RSBN1L: variants seen among roughly 807,000 people sequenced by gnomAD.
RSBN1L encodes lysine-specific demethylase RSBN1L.
In RSBN1L, 30 loss-of-function variants were observed where a neutral mutation model predicts 67.7. That is an observed-to-expected ratio of 0.44 (90% CI 0.33 to 0.60). The LOEUF (loss-of-function observed/expected upper bound fraction) is 0.60. Among genes scored for constraint, RSBN1L ranks in the 20% least tolerant of loss-of-function variants. The pLI, the probability that RSBN1L is intolerant of heterozygous loss-of-function variation, is 0.02. For synonymous variants in RSBN1L, 433 were observed against 387.0 expected (o/e 1.12, Z -1.39); for missense variants, 992 against 1,031.7 (o/e 0.96, Z 0.53).
rs1007241049 is a variant in RSBN1L at position 77,779,949 on chromosome 7, A to G, written c.*781A>G. The G allele has an allele frequency of 6.6e-6, 1 of 151,494 alleles. No individual in the cohort carries two copies. The highest frequency in any genetic ancestry group is 2.4e-5 in the African/African-American group (1 of 41,148). 9.4% of individuals were successfully genotyped at this position (151,494 alleles called of 1,614,324 possible). A position where few individuals can be genotyped will look rare whatever the true frequency, so the allele number is the denominator to read the frequency against. Reference sequence around the variant, plus strand: ...GTTCAAGTGATTATTCTCCTGCCTCAGCCTCCTGAGTAGCTGGGACTACAG... The same window carrying G: ...GTTCAAGTGATTATTCTCCTGCCTCGGCCTCCTGAGTAGCTGGGACTACAG... On this transcript the variant is annotated 3_prime_UTR_variant, in exon 8 of 8. Transcript: ENST00000334955.
chr7:77,756,305 G>GT (rs1436970279), intron 3 of RSBN1L, among the ~76,000 whole-genome samples: 58 of 152,004 alleles, frequency 3.8e-4, no homozygotes, highest in African/African-American at 1.3e-3. Context: ...CTAATTTTTT[G>GT]TGTTTTCAGT....
At chr7:77,726,776 A>ATTTTTT (rs35354992) in intron 1 of RSBN1L, among the ~76,000 whole-genome samples, 1 of 112,306 alleles carries the variant, frequency 8.9e-6, no homozygotes. Flanking sequence ...CACCCAGCTA[A>ATTTTTT]TTTTTTTTTT....
intron 1 of RSBN1L, among the ~76,000 whole-genome samples, chr7:77,725,078 C>T (rs1283742068): frequency 6.8e-6 from 1 of 147,218 alleles, no homozygotes; most frequent in Admixed American, 6.8e-5. Context: ...TCCTGACCTC[C>T]GGTGATCCAC....
At chr7:77,721,068 A>G (rs903862382) in intron 1 of RSBN1L, among the ~76,000 whole-genome samples, 6 of 151,932 alleles carry the variant, frequency 3.9e-5, no homozygotes, top group African/African-American at 1.2e-4. Flanking sequence ...ATGTGGATTT[A>G]ACACTTATTT....
rs200285019 is a variant in RSBN1L, at chr7:77,699,325, CGAAA to C, written c.586+2273_586+2276del. Among the ~76,000 whole-genome samples, 716 of 152,266 alleles carry C rather than the reference CGAAA, an allele frequency of 4.7e-3. 4 individuals are homozygous for C. Among genetic ancestry groups the C allele is most frequent in the African/African-American group, 0.016 (678 of 41,540 alleles). On this transcript the variant is annotated intron_variant, in intron 1 of 7. Transcript: ENST00000334955. Reference sequence around the variant, plus strand: ...AAAACAAAACTGAACCACACACACTCGAAAGACCTAGCCTGCACCCCAATTTGAT... The same window carrying C: ...AAAACAAAACTGAACCACACACACTCGACCTAGCCTGCACCCCAATTTGAT...
intron 1 of RSBN1L, among the ~76,000 whole-genome samples, chr7:77,705,604 C>T (rs936386564): frequency 7.3e-5 from 11 of 150,014 alleles, no homozygotes; most frequent in African/African-American, 2.5e-4. Context: ...CTCTGCCTCC[C>T]GGGTTCCAGT....
intron 1 of RSBN1L, 59 bp from the exon 2 acceptor site, chr7:77,736,351 G>T: frequency 1.2e-6 from 1 of 814,906 alleles, no homozygotes; most frequent in African/African-American, 1.8e-5. Flanking sequence ...TATAGTTTGT[G>T]CAGATAAATG....
Position 77,696,464 on chromosome 7 carries a change from C to G in RSBN1L, c.-6C>G. 1 of 1,600,902 alleles carries G rather than the reference C, an allele frequency of 6.2e-7. No individual in the cohort carries two copies. Among genetic ancestry groups the G allele is most frequent in the Non-Finnish European group, 8.5e-7 (1 of 1,173,044 alleles). The stretch of plus-strand genomic sequence containing the variant: ...CGGAGGAGAGTAAATACAACAGGAG[C>G]GCAAAATGGCGGAACCGCCGAGCCC... On this transcript the variant is annotated 5_prime_UTR_variant, in exon 1 of 8. Transcript: ENST00000334955.
At chr7:77,701,756 A>G (rs1034146273) in intron 1 of RSBN1L, among the ~76,000 whole-genome samples, 3 of 151,054 alleles carry the variant, frequency 2.0e-5, no homozygotes, top group African/African-American at 4.9e-5. Flanking sequence ...GGTTCAAGCA[A>G]TTCTCCTGCC....
chr7:77,720,144 G>T (rs1031369372), intron 1 of RSBN1L, among the ~76,000 whole-genome samples: 1 of 152,056 alleles, frequency 6.6e-6, no homozygotes, highest in Non-Finnish European at 1.5e-5. Context: ...GTAACTCTTT[G>T]TTACTGGGTG....
rs538311870 is a variant in RSBN1L at position 77,747,325 on chromosome 7, TG to T, written c.704-2094del. 1.3e-3 allele frequency among the ~76,000 whole-genome samples: 195 copies of T among 152,176 alleles called. 3 individuals carry two copies. The highest frequency in any genetic ancestry group is 6.8e-3 in the Middle Eastern group (2 of 294). On this transcript the variant is annotated intron_variant, in intron 2 of 7. Transcript: ENST00000334955. ...AGCCAACTGCTAATAGACTAGACAA[TG>T]GGGGAAAGTCCTAGAAGGCATTTCA...
At chr7:77,726,137 T>G (rs1294606914) in intron 1 of RSBN1L, among the ~76,000 whole-genome samples, 2 of 152,236 alleles carry the variant, frequency 1.3e-5, no homozygotes, top group Non-Finnish European at 2.9e-5. Flanking sequence ...AGTACAGAAT[T>G]CCCATACACC....
chr7:77,745,887 A>G (rs1055542241), intron 2 of RSBN1L, among the ~76,000 whole-genome samples: 1 of 152,160 alleles, frequency 6.6e-6, no homozygotes, highest in Non-Finnish European at 1.5e-5. Flanking sequence ...GAGTCTCCAT[A>G]AGGAGCAGGC....
At chr7:77,763,307 A>G (rs1183740836) in intron 3 of RSBN1L, among the ~76,000 whole-genome samples, 1 of 152,082 alleles carries the variant, frequency 6.6e-6, no homozygotes, top group Non-Finnish European at 1.5e-5. Flanking sequence ...TATATTTCAA[A>G]GCACTTGGAA....
chr7:77,756,868 G>A (rs1241330204), intron 3 of RSBN1L, among the ~76,000 whole-genome samples: 1 of 152,090 alleles, frequency 6.6e-6, no homozygotes, highest in African/African-American at 2.4e-5. Context: ...ATATAGTAAT[G>A]CTATATGTGT....
chr7:77,719,393 T>C (rs973998411), intron 1 of RSBN1L, among the ~76,000 whole-genome samples: 4 of 152,238 alleles, frequency 2.6e-5, no homozygotes, highest in African/African-American at 9.6e-5. Context: ...TTAAGAACTA[T>C]GTATATGATT....
chr7:77,753,586 G>C (rs1204080595), intron 3 of RSBN1L, among the ~76,000 whole-genome samples: 9 of 151,826 alleles, frequency 5.9e-5, no homozygotes, highest in African/African-American at 2.2e-4. Context: ...AGATGTTTTT[G>C]GTAACTAGAA....
intron 6 of RSBN1L, among the ~76,000 whole-genome samples, chr7:77,775,778 A>G (rs1445991149): frequency 6.6e-6 from 1 of 152,170 alleles, no homozygotes; most frequent in Non-Finnish European, 1.5e-5. Flanking sequence ...TATTTTGGCT[A>G]GGCGCGGTGG....
At chr7:77,714,139 AC>A (rs1382998747) in intron 1 of RSBN1L, among the ~76,000 whole-genome samples, 2 of 152,028 alleles carry the variant, frequency 1.3e-5, no homozygotes, top group East Asian at 3.9e-4. Flanking sequence ...CACCCTCATT[AC>A]TCTATCTTTA....
Sources: gnomAD v4.1 joint callset for allele counts (sites outside exome capture counted in the v4.1 genomes callset) on GRCh38, gnomAD v4.1.1 for gene constraint, MANE v1.5 for transcripts, NCBI Gene and HGNC (gene_info 2026-07-23, HGNC 2026-07-21) for gene names.